The following NF1 variants were observed in gnomAD, a reference collection of about 807,000 sequenced individuals.
NF1 encodes the protein neurofibromin.
In NF1, 122 loss-of-function variants were observed where a neutral mutation model predicts 325.7. That is an observed-to-expected ratio of 0.37 (90% CI 0.32 to 0.44). The LOEUF (loss-of-function observed/expected upper bound fraction) is 0.44, where lower values mean the gene tolerates loss of function less well. Among genes scored for constraint, NF1 ranks in the 20% least tolerant of loss-of-function variants. The pLI is 1.00. For synonymous variants in NF1, 1,091 were observed against 1,186.0 expected (o/e 0.92, Z 1.65); for missense variants, 2,140 against 3,415.4 (o/e 0.63, Z 9.31).
chr17:31,348,884 T>C (rs2070065077), intron 48 of NF1, among the ~76,000 whole-genome samples: 1 of 152,194 alleles, frequency 6.6e-6, no homozygotes, highest in Non-Finnish European at 1.5e-5. Flanking sequence ...CCTGGAGTAC[T>C]GTAGAGTTCT....
intron 29 of NF1, among the ~76,000 whole-genome samples, chr17:31,242,703 A>G (rs968300699): frequency 2.0e-5 from 3 of 152,082 alleles, no homozygotes; most frequent in Non-Finnish European, 4.4e-5. Flanking sequence ...CCACATTATC[A>G]TGGATTTCCT....
chr17:31,177,756 A>G (rs1354039842), intron 5 of NF1, among the ~76,000 whole-genome samples: 1 of 151,936 alleles, frequency 6.6e-6, no homozygotes, highest in African/African-American at 2.4e-5. Flanking sequence ...AATCAAGCAG[A>G]AGAAAGGATA....
chr17:31,305,806 G>A (rs907472476), intron 36 of NF1, among the ~76,000 whole-genome samples: 1 of 152,182 alleles, frequency 6.6e-6, no homozygotes, highest in Non-Finnish European at 1.5e-5. Flanking sequence ...TAGGTTTGGT[G>A]TAACAACTCT....
chr17:31,319,147 G>A (rs754981485), intron 36 of NF1: 72 of 990,694 alleles, frequency 7.3e-5, no homozygotes, highest in Non-Finnish European at 9.7e-5. Flanking sequence ...CCTAATATTC[G>A]CTACCCTGAA....
At chr17:31,182,217 T>A (rs894298109) in intron 7 of NF1, among the ~76,000 whole-genome samples, 4 of 152,226 alleles carry the variant, frequency 2.6e-5, no homozygotes, top group Admixed American at 6.5e-5. Flanking sequence ...TCTTTGTTGC[T>A]TGGGTACATC....
intron 3 of NF1, among the ~76,000 whole-genome samples, chr17:31,162,193 T>C (rs984243943): frequency 3.3e-5 from 5 of 151,186 alleles, no homozygotes; most frequent in Non-Finnish European, 5.9e-5. Flanking sequence ...GTGGTGAATA[T>C]GGGCCAGGCG....
intron 1 of NF1, among the ~76,000 whole-genome samples, chr17:31,135,967 C>T (rs1040146899): frequency 2.6e-5 from 4 of 151,986 alleles, no homozygotes; most frequent in African/African-American, 7.2e-5. Flanking sequence ...TTTACTTCTG[C>T]TTGAAGCATA....
intron 27 of NF1, 129 bp from the exon 28 acceptor site, chr17:31,235,482 C>T: frequency 2.3e-6 from 2 of 853,174 alleles, no homozygotes; most frequent in Admixed American, 1.7e-5. Flanking sequence ...AAATATTAAT[C>T]AGTCATCATT....
rs151177238 is a variant in NF1, at chr17:31,253,418, T to C, written c.4173+418T>C. On this transcript the variant is annotated intron_variant, in intron 31 of 57. Transcript: ENST00000358273. ...GTGTTTCTTAATTGTTAGAAGTATA[T>C]GGTGGGAAAGAGTCACTTTCTAAAT... 4.1e-3 allele frequency: 709 copies of C among 171,032 alleles called. 6 individuals carry two copies. Among genetic ancestry groups the C allele is most frequent in the African/African-American group, 0.016 (675 of 41,852 alleles). The allele number at this position is 171,032 out of a possible 1,614,324, so 10.6% of individuals were successfully genotyped here. A position where few individuals can be genotyped will look rare whatever the true frequency, so the allele number is the denominator to read the frequency against.
In NF1 at chr17:31,318,714, G is replaced by T. The variant is rs145171817; in HGVS notation, c.4836-7106G>T. 224 of 1,614,106 alleles carry T rather than the reference G, an allele frequency of 1.4e-4. 5 individuals carry two copies. The Middle Eastern group carries it at 4.0e-3, about 29-fold the overall frequency. On this transcript the variant is annotated intron_variant, in intron 36 of 57. Coordinates refer to ENST00000358273, the MANE Select transcript of NF1 (RefSeq NM_001042492.3). The stretch of plus-strand genomic sequence containing the variant: ...TCTGTACTGTTGAAGGACTGTTGCT[G>T]ACGACAGAAGGTATATAAAGCTCCT...
intron 33 of NF1, 62 bp downstream of exon 33, chr17:31,259,191 A>G: frequency 1.7e-6 from 2 of 1,157,972 alleles, no homozygotes; most frequent in South Asian, 2.6e-5. Flanking sequence ...GTTTCACATA[A>G]ATCCATGTAC....
At chr17:31,356,701 AT>A in intron 52 of NF1, 119 bp downstream of exon 52, 1 of 1,418,266 alleles carries the variant, frequency 7.1e-7, no homozygotes, top group Non-Finnish European at 9.7e-7. Flanking sequence ...AACGTTTGCC[AT>A]TTCTCAAAAG....
chr17:31,296,422 T>A (rs2068466211), intron 36 of NF1: 1 of 1,305,458 alleles, frequency 7.7e-7, no homozygotes, highest in Non-Finnish European at 1.1e-6. Context: ...AGGCAAAATT[T>A]TCAATAAACC....
intron 1 of NF1, among the ~76,000 whole-genome samples, chr17:31,152,032 CT>C (rs1916979230): frequency 6.6e-6 from 1 of 152,132 alleles, no homozygotes; most frequent in Non-Finnish European, 1.5e-5. Flanking sequence ...TTCCTCCCCC[CT>C]CCCCCTACCC....
At chr17:31,209,115 C>A (rs1034705) in intron 12 of NF1, among the ~76,000 whole-genome samples, 4,040 of 151,846 alleles carry the variant, frequency 0.027, 101 homozygotes, top group Middle Eastern at 0.089. Context: ...TGCCAATATT[C>A]CCTTTACCCC....
Position 31,336,594 on chromosome 17 carries a change from ATGT to A in NF1, c.6148-39_6148-37del. On this transcript the variant is annotated intron_variant, in intron 41 of 57. Coordinates refer to ENST00000358273, the MANE Select transcript of NF1 (RefSeq NM_001042492.3). This position sits in a 1 kb window ranked among gnomAD's most constrained non-coding sequence, Gnocchi z 5.5. ...TTTTTGTGCTAAAACTTTGAGTCCC[ATGT>A]TTTTTTTTTTAAAAAAAAAAATCCT... The A allele has an allele frequency of 6.5e-7, 1 of 1,527,054 alleles. No individual in the cohort carries two copies. Among genetic ancestry groups the A allele is most frequent in the Non-Finnish European group, 8.8e-7 (1 of 1,142,790 alleles). 94.6% of individuals were successfully genotyped at this position (1,527,054 alleles called of 1,614,324 possible).
chr17:31,117,738 A>C (rs1333896939), intron 1 of NF1, among the ~76,000 whole-genome samples: 4 of 150,700 alleles, frequency 2.7e-5, no homozygotes, highest in South Asian at 4.2e-4. Flanking sequence ...GGACTCAATA[A>C]ATATTTGTTG....
chr17:31,322,501 CAAAAAAAAAAAAAAAAAAAAAAAAAA>C (rs573045083), intron 36 of NF1, among the ~76,000 whole-genome samples: 2 of 44,744 alleles, frequency 4.5e-5, no homozygotes, highest in African/African-American at 1.6e-4. Context: ...GACTCTGTCT[CAAAAAAAAAAAAAAAAAAAAAAAAAA>C]AAAAAAAAAG....
At chr17:31,155,222 G>A (rs1404154459) in intron 1 of NF1, among the ~76,000 whole-genome samples, 1 of 152,196 alleles carries the variant, frequency 6.6e-6, no homozygotes, top group Non-Finnish European at 1.5e-5. Context: ...AATATTAACA[G>A]TAAGTATGTC....
Sources: gnomAD v4.1 joint callset for allele counts (sites outside exome capture counted in the v4.1 genomes callset) on GRCh38, gnomAD v4.1.1 for gene constraint, Gnocchi (gnomAD v3.1) non-coding constraint, MANE v1.5 for transcripts, NCBI Gene and HGNC (gene_info 2026-07-23, HGNC 2026-07-21) for gene names.